EYS: variants seen among roughly 807,000 people sequenced by gnomAD.
The protein encoded by EYS is protein eyes shut homolog.
A neutral mutation model predicts 282.1 loss-of-function variants in EYS; 250 were observed. The ratio of observed to expected loss-of-function variants is 0.89; its 90% CI spans 0.80 to 0.98. EYS has a LOEUF of 0.98. Among genes scored for constraint, EYS ranks in the 50% least tolerant of loss-of-function variants. The pLI is 0.00. For synonymous variants in EYS, 1,355 were observed against 1,282.9 expected (o/e 1.06, Z -1.20); for missense variants, 4,016 against 3,709.0 (o/e 1.08, Z -2.15).
At chr6:64,163,713 A>G (rs1775180430) in intron 31 of EYS, among the ~76,000 whole-genome samples, 1 of 152,128 alleles carries the variant, frequency 6.6e-6, no homozygotes, top group Non-Finnish European at 1.5e-5. Context: ...TGTAAGGCAA[A>G]AGGATTTTTT....
At chr6:63,842,233 A>C (rs1771979750) in intron 36 of EYS, among the ~76,000 whole-genome samples, 1 of 152,188 alleles carries the variant, frequency 6.6e-6, no homozygotes, top group South Asian at 2.1e-4. Flanking sequence ...CCAACAGTGT[A>C]AAAGCATTCC....
At chr6:65,574,868 C>A (rs536309223) in intron 2 of EYS, among the ~76,000 whole-genome samples, 1 of 152,002 alleles carries the variant, frequency 6.6e-6, no homozygotes, top group East Asian at 1.9e-4. Flanking sequence ...TACTTTAGTC[C>A]ACAAAAGAAG....
intron 31 of EYS, among the ~76,000 whole-genome samples, chr6:64,187,808 T>G (rs554528552): frequency 6.6e-5 from 10 of 151,934 alleles, no homozygotes; most frequent in Non-Finnish European, 1.5e-4. Flanking sequence ...TAACTCCTTA[T>G]GAGAAAGTAA....
chr6:63,966,464 C>T (rs1205420237), intron 35 of EYS, among the ~76,000 whole-genome samples: 1 of 152,022 alleles, frequency 6.6e-6, no homozygotes, highest in Non-Finnish European at 1.5e-5. Flanking sequence ...GGCTGAAGAG[C>T]TTACTCATGT....
Position 65,419,765 on chromosome 6 carries a change from T to C in EYS, c.863-14398A>G, listed in dbSNP as rs145371139. 5.4e-3 allele frequency among the ~76,000 whole-genome samples: 828 copies of C among 151,996 alleles called. 9 individuals are homozygous for C. Among genetic ancestry groups the C allele is most frequent in the African/African-American group, 0.019 (780 of 41,496 alleles). On this transcript the variant is annotated intron_variant, in intron 5 of 42. Transcript: ENST00000503581. ...TATACTAAGTTTTTGAAAACCAAAG[T>C]GGTAAAGTGCATACAGGCATATCCT...
rs1026204674 is a variant in EYS at position 65,416,302 on chromosome 6, T to G, written c.863-10935A>C. Among the ~76,000 whole-genome samples, 21 of 151,988 alleles carry G rather than the reference T, an allele frequency of 1.4e-4. 1 individual carries two copies. The highest frequency in any genetic ancestry group is 5.1e-4 in the African/African-American group (21 of 41,538). Reference sequence around the variant, plus strand: ...TACAGTACATTTTTCATAGTAATAGTAAGTGTGGCATAAATAAGGAGCCAT... The same window carrying G: ...TACAGTACATTTTTCATAGTAATAGGAAGTGTGGCATAAATAAGGAGCCAT... On this transcript the variant is annotated intron_variant, in intron 5 of 42. Coordinates refer to ENST00000503581, the MANE Select transcript of EYS (RefSeq NM_001142800.2).
At chr6:64,761,963 T>A (rs1003737553) in intron 22 of EYS, among the ~76,000 whole-genome samples, 5 of 152,294 alleles carry the variant, frequency 3.3e-5, no homozygotes, top group Non-Finnish European at 5.9e-5. Flanking sequence ...GAGAAAATAT[T>A]CTTGGTGATC....
At chr6:65,190,109 AT>A (rs1184972207) in intron 12 of EYS, among the ~76,000 whole-genome samples, 1 of 151,464 alleles carries the variant, frequency 6.6e-6, no homozygotes. Flanking sequence ...TAGCATGATC[AT>A]TAGTATGCAG....
chr6:64,898,198 C>T (rs1345518529), intron 18 of EYS, among the ~76,000 whole-genome samples: 1 of 152,022 alleles, frequency 6.6e-6, no homozygotes, highest in African/African-American at 2.4e-5. Flanking sequence ...TTAAGGGCAG[C>T]CAGAGAGAAA....
At chr6:64,744,585 A>T (rs1311649877) in intron 22 of EYS, among the ~76,000 whole-genome samples, 1 of 152,178 alleles carries the variant, frequency 6.6e-6, no homozygotes, top group Non-Finnish European at 1.5e-5. Context: ...ATATTAACAA[A>T]ATTAGTTATT....
intron 31 of EYS, among the ~76,000 whole-genome samples, chr6:64,195,584 C>A (rs1261692347): frequency 6.6e-6 from 1 of 152,192 alleles, no homozygotes; most frequent in East Asian, 1.9e-4. Context: ...AAGGCATGAG[C>A]CACTATGCCC....
At chr6:64,735,153 T>C (rs1317512773) in intron 22 of EYS, among the ~76,000 whole-genome samples, 1 of 152,122 alleles carries the variant, frequency 6.6e-6, no homozygotes, top group Non-Finnish European at 1.5e-5. Context: ...GTGCAATCTC[T>C]GCTCACTGCA....
chr6:64,922,778 G>A (rs1768390290), intron 15 of EYS, among the ~76,000 whole-genome samples: 1 of 151,988 alleles, frequency 6.6e-6, no homozygotes, highest in South Asian at 2.1e-4. Context: ...CTTAGCTATG[G>A]ATATCCCAGT....
chr6:64,306,759 A>C (rs182526375), intron 30 of EYS, among the ~76,000 whole-genome samples: 1 of 152,332 alleles, frequency 6.6e-6, no homozygotes, highest in Non-Finnish European at 1.5e-5. Flanking sequence ...CACAAAAAAG[A>C]TACCCTTTAT....
At chr6:63,797,660 GC>G (rs1343459507) in intron 37 of EYS, 1 of 152,138 alleles carries the variant, frequency 6.6e-6, no homozygotes, top group Non-Finnish European at 1.5e-5. Context: ...ACCATGTACA[GC>G]CATGACCATG....
At chr6:64,973,678 T>G (rs1770375292) in intron 14 of EYS, among the ~76,000 whole-genome samples, 1 of 152,112 alleles carries the variant, frequency 6.6e-6, no homozygotes, top group Non-Finnish European at 1.5e-5. Flanking sequence ...GAGCATTTAT[T>G]AACTGAAGAT....
intron 29 of EYS, among the ~76,000 whole-genome samples, chr6:64,338,035 GA>G (rs1561938000): frequency 6.6e-6 from 1 of 151,892 alleles, no homozygotes. Context: ...ACTGGATGGG[GA>G]AAAGTTGAAA....
At chr6:64,993,291 T>C (rs1345374803) in intron 14 of EYS, among the ~76,000 whole-genome samples, 3 of 151,832 alleles carry the variant, frequency 2.0e-5, no homozygotes, top group Non-Finnish European at 4.4e-5. Flanking sequence ...AACATACGTG[T>C]GCATGTGTCT....
rs371662357 is a variant in EYS, at chr6:64,269,833, A to AGT, written c.6191+37135_6191+37136dup. On this transcript the variant is annotated intron_variant, in intron 30 of 42. Coordinates refer to ENST00000503581, the MANE Select transcript of EYS (RefSeq NM_001142800.2). ...CTGCTAACTCTTTAATACATTCAAA[A>AGT]GTATATATATGCAAGATATGAGCAA... Among the ~76,000 whole-genome samples the AGT allele has an allele frequency of 8.0e-3, 1,214 of 152,180 alleles. 11 individuals carry two copies. Among genetic ancestry groups the AGT allele is most frequent in the Middle Eastern group, 0.034 (10 of 290 alleles).
Sources: allele counts gnomAD v4.1 joint callset (sites outside exome capture counted in the v4.1 genomes callset), GRCh38; gene constraint gnomAD v4.1.1; transcripts MANE v1.5; gene names NCBI Gene and HGNC (gene_info 2026-07-23, HGNC 2026-07-21).